TUT4: variants seen among roughly 807,000 people sequenced by gnomAD.
The protein encoded by TUT4 is terminal uridylyl transferase 4.
In TUT4, 36 loss-of-function variants were observed where a neutral mutation model predicts 192.2. That is an observed-to-expected ratio of 0.19 (90% CI 0.14 to 0.25). The LOEUF (loss-of-function observed/expected upper bound fraction) is 0.25. Among genes scored for constraint, TUT4 ranks in the 10% least tolerant of loss-of-function variants. TUT4 has a pLI of 1.00. For missense variants in TUT4, 1,493 were observed against 1,957.2 expected (o/e 0.76, Z 4.47); for synonymous variants, 618 against 666.0 (o/e 0.93, Z 1.11).
chr1:52,446,092 A>T, intron 22 of TUT4, 88 bp from the exon 23 acceptor site: 1 of 1,344,478 alleles, frequency 7.4e-7, no homozygotes, highest in Non-Finnish European at 1.0e-6. Flanking sequence ...TCTAATACTT[A>T]TATGTACTCA....
rs1377187158 is a variant in TUT4 at position 52,548,786 on chromosome 1, T to TTATGTAA, written c.-94+4138_-94+4144dup. 3.9e-5 allele frequency among the ~76,000 whole-genome samples: 6 copies of TTATGTAA among 152,334 alleles called. No individual in the cohort carries two copies. The East Asian group carries it at 1.2e-3, about 29-fold the overall frequency. On this transcript the variant is annotated intron_variant, in intron 1 of 29. Transcript: ENST00000257177. Reference sequence around the variant, plus strand: ...TTTCTTTTTAAAAGTACAAGATGCCTTATGTAAAGATTAGGACTTTGCCCA... The same window carrying TTATGTAA: ...TTTCTTTTTAAAAGTACAAGATGCCTTATGTAATATGTAAAGATTAGGACTTTGCCCA...
chr1:52,534,322 C>T (rs1405417091), intron 1 of TUT4, among the ~76,000 whole-genome samples: 6 of 152,018 alleles, frequency 3.9e-5, no homozygotes, highest in Admixed American at 6.6e-5. Flanking sequence ...AAGTATAAGC[C>T]GCCTTCTCCA....
intron 27 of TUT4, 47 bp downstream of exon 27, chr1:52,435,316 TAC>T (rs1260331554): frequency 6.9e-7 from 1 of 1,452,008 alleles, no homozygotes; most frequent in East Asian, 2.3e-5. Context: ...CCATTAAAGA[TAC>T]TGCTATCATC....
Position 52,425,503 on chromosome 1 carries a change from T to C in TUT4, c.4716A>G (p.Pro1572=). 6.2e-7 allele frequency: 1 copy of C among 1,608,102 alleles called. No individual in the cohort carries two copies. Among genetic ancestry groups the C allele is most frequent in the Non-Finnish European group, 8.5e-7 (1 of 1,177,782 alleles). The part of the protein sequence containing the change: ...VNSGAVGNSE[P]GFRGLTPPIP... The stretch of plus-strand genomic sequence containing the variant: ...TTGGAGGAGTCAGTCCTCGAAAGCC[T>C]GGCTCTGCATTTCAACAAGAGGGAA... The change falls in exon 29 of 30, where the codon CCA becomes CCG. Residue 1572 remains proline (P), a synonymous_variant. Transcript: ENST00000257177.
chr1:52,428,032 C>T (rs1450354188), intron 28 of TUT4, among the ~76,000 whole-genome samples: 1 of 152,052 alleles, frequency 6.6e-6, no homozygotes, highest in African/African-American at 2.4e-5. Context: ...CATAATCAGC[C>T]AACTCCAGAA....
Position 52,488,996 on chromosome 1 carries a change from T to C in TUT4, c.1428A>G (p.Ala476=). ...LCRVSAGNDM[A]CLTTDLLTAL... is the part of the protein sequence containing the mutation. ...CAGTAAGTAAATCAGTAGTGAGACATGCCATATCGTTTCCTGCACTCACTC... is the reference window on the plus strand; with the variant it reads ...CAGTAAGTAAATCAGTAGTGAGACACGCCATATCGTTTCCTGCACTCACTC... Residue 476 remains alanine, a synonymous_variant, in exon 9 of 30, where the codon GCA becomes GCG. Transcript: ENST00000257177. The C allele has an allele frequency of 1.9e-6, 3 of 1,613,698 alleles. No individual in the cohort carries two copies. The highest frequency in any genetic ancestry group is 1.7e-6 in the Non-Finnish European group (2 of 1,179,858).
intron 1 of TUT4, among the ~76,000 whole-genome samples, chr1:52,545,141 C>G (rs980236139): frequency 6.6e-6 from 1 of 151,536 alleles, no homozygotes; most frequent in East Asian, 1.9e-4. Flanking sequence ...TTTGGGAGGC[C>G]GAAGTGAGTG....
At chr1:52,443,819 C>T (rs1656498768) in intron 24 of TUT4, among the ~76,000 whole-genome samples, 1 of 152,152 alleles carries the variant, frequency 6.6e-6, no homozygotes, top group African/African-American at 2.4e-5. Context: ...GAGGTTCCTA[C>T]TGAACATATG....
At chr1:52,447,739 T>C (rs1405056572) in intron 20 of TUT4, among the ~76,000 whole-genome samples, 1 of 152,218 alleles carries the variant, frequency 6.6e-6, no homozygotes, top group Non-Finnish European at 1.5e-5. Flanking sequence ...TTCTAGCCTC[T>C]ATCCTGAGGA....
intron 4 of TUT4, among the ~76,000 whole-genome samples, chr1:52,501,077 CAT>C (rs1327529885): frequency 2.0e-5 from 3 of 152,128 alleles, no homozygotes; most frequent in Non-Finnish European, 4.4e-5. Context: ...ACACAAAAGA[CAT>C]AGGCAACAAA....
At chr1:52,461,060 C>A in intron 19 of TUT4, 74 bp downstream of exon 19, 1 of 1,313,864 alleles carries the variant, frequency 7.6e-7, no homozygotes, top group Non-Finnish European at 1.0e-6. Flanking sequence ...CAAAATTTTT[C>A]ACAAATCTGA....
chr1:52,526,946 C>T (rs934614206), intron 1 of TUT4, among the ~76,000 whole-genome samples: 2 of 152,124 alleles, frequency 1.3e-5, no homozygotes, highest in Non-Finnish European at 2.9e-5. Context: ...ATCACTTGAA[C>T]CCGGGAGGCA....
At chr1:52,428,624 T>TAA (rs772389695) in intron 28 of TUT4, among the ~76,000 whole-genome samples, 191 of 72,866 alleles carry the variant, frequency 2.6e-3, no homozygotes, top group African/African-American at 5.1e-3. Context: ...AGACTCCCTC[T>TAA]AAAAAAAAAA....
At chr1:52,453,786 G>A (rs536023255) in intron 20 of TUT4, among the ~76,000 whole-genome samples, 48 of 152,182 alleles carry the variant, frequency 3.2e-4, no homozygotes, top group African/African-American at 1.2e-3. Context: ...AGGTATACAG[G>A]GTGAGAAGAA....
chr1:52,544,144 G>A (rs141755176), intron 1 of TUT4, among the ~76,000 whole-genome samples: 26,111 of 151,874 alleles, frequency 0.17, 2,632 homozygotes, highest in Non-Finnish European at 0.23. Context: ...AAACTTAGCC[G>A]GGTGTGGTGG....
At chr1:52,441,983 C>T (rs780751766) in intron 24 of TUT4, among the ~76,000 whole-genome samples, 6 of 151,806 alleles carry the variant, frequency 4.0e-5, no homozygotes, top group East Asian at 1.9e-4. Context: ...GCCTGGCCAG[C>T]GTGGTGAAAC....
intron 26 of TUT4, 64 bp from the exon 27 acceptor site, chr1:52,435,529 T>C (rs1047779532): frequency 7.3e-5 from 89 of 1,218,804 alleles, no homozygotes; most frequent in Non-Finnish European, 9.9e-5. Flanking sequence ...TGACAATAAA[T>C]AAACTCCCTT....
At chr1:52,518,418 C>T (rs770228992) in intron 2 of TUT4, among the ~76,000 whole-genome samples, 14 of 152,196 alleles carry the variant, frequency 9.2e-5, no homozygotes, top group Non-Finnish European at 2.1e-4. Flanking sequence ...CAAACAGCCA[C>T]CTTCTTGCTG....
chr1:52,481,761 C>T (rs1668525109), intron 10 of TUT4, 43 bp downstream of exon 10: 1 of 1,530,612 alleles, frequency 6.5e-7, no homozygotes, highest in African/African-American at 1.4e-5. Context: ...CAAGAGCAAA[C>T]TATATATATA....
Sources: gnomAD v4.1 joint callset for allele counts (sites outside exome capture counted in the v4.1 genomes callset) on GRCh38, gnomAD v4.1.1 for gene constraint, MANE v1.5 for transcripts, NCBI Gene and HGNC (gene_info 2026-07-23, HGNC 2026-07-21) for gene names.